Variants in SCAF11 observed in about 807,000 individuals in gnomAD.
The protein encoded by SCAF11 is SR-related CTD associated factor 11, also known as protein SCAF11.
Under a neutral mutation model 140.5 loss-of-function variants are expected in SCAF11, and 47 were observed. The ratio of observed to expected loss-of-function variants is 0.33; its 90% CI spans 0.26 to 0.43. SCAF11 has a LOEUF of 0.43. Among genes scored for constraint, SCAF11 ranks in the 20% least tolerant of loss-of-function variants. SCAF11 has a pLI of 1.00. For synonymous variants in SCAF11, 557 were observed against 579.4 expected, an observed-to-expected ratio of 0.96 and a Z score of 0.55; for missense variants, 1,645 against 1,705.1, an observed-to-expected ratio of 0.96 and a Z score of 0.62.
chr12:45,922,071 A>G lies in SCAF11; in HGVS notation c.4369T>C (p.Ser1457Pro), dbSNP rs1944727427. ...TTTCAGCCTATGTTTTTTTCAGTAG[A>G]CACAGGTTCTTCCAGAGTTTTCTTT... The part of the protein sequence containing the change: ...SQKKTLEEPV[S>P]TEKNIG The change falls in exon 15 of 15, where the codon TCT (serine) becomes CCT (proline). Residue 1457 changes from serine (S) to proline (P), a missense_variant. By Grantham distance (74) the Ser-to-Pro change is moderately conservative. Transcript: ENST00000369367. 2 of 1,613,060 alleles carry G rather than the reference A, an allele frequency of 1.2e-6. No homozygotes were observed. The highest frequency in any genetic ancestry group is 2.7e-5 in the African/African-American group (2 of 74,784).
In SCAF11 at chr12:45,927,420, C is replaced by G; in HGVS notation, c.2281G>C (p.Asp761His). The change falls in exon 11 of 15, where the codon GAT becomes CAT. Residue 761 changes from aspartate to histidine, a missense_variant. Coordinates refer to ENST00000369367, the MANE Select transcript of SCAF11 (RefSeq NM_004719.3). Reference sequence around the variant, plus strand: ...GTTTCAACCTTTTCATCCGCAAGATCAGAAGACGGCATATTATTTTCAGAA... The same window carrying G: ...GTTTCAACCTTTTCATCCGCAAGATGAGAAGACGGCATATTATTTTCAGAA... ...HCSENNMPSS[D>H]LADEKVETVS... is the part of the protein sequence containing the mutation. 1.2e-6 allele frequency: 2 copies of G among 1,613,658 alleles called. No homozygotes were observed. The highest frequency in any genetic ancestry group is 1.7e-6 in the Non-Finnish European group (2 of 1,179,914).
At position 45,927,456 on chromosome 12, in the gene SCAF11, C is replaced by A. The variant is rs1373535182; in HGVS notation, c.2245G>T (p.Val749Leu). 1 of 1,613,510 alleles carries A rather than the reference C, an allele frequency of 6.2e-7. No individual in the cohort carries two copies. The highest frequency in any genetic ancestry group is 1.7e-5 in the Admixed American group (1 of 59,946). Reference sequence around the variant, plus strand: ...ATATTATTTTCAGAACAGTGTGTCACAGAATTTTCATTCATTTGTTTAAGA... The same window carrying A: ...ATATTATTTTCAGAACAGTGTGTCAAAGAATTTTCATTCATTTGTTTAAGA... ...ADLKQMNENS[V>L]THCSENNMPS... Residue 749 changes from valine (V) to leucine (L), a missense_variant, in exon 11 of 15, where the codon GTG (valine) becomes TTG (leucine). Around this residue, in one of 2 missense-constraint regions of SCAF11, gnomAD observed 1,582 missense variants for 1,609.2 expected, o/e 0.98. Coordinates refer to ENST00000369367, the MANE Select transcript of SCAF11 (RefSeq NM_004719.3).
intron 3 of SCAF11, among the ~76,000 whole-genome samples, chr12:45,952,771 A>G (rs1442739169): frequency 1.3e-5 from 2 of 152,216 alleles, no homozygotes; most frequent in African/African-American, 4.8e-5. Flanking sequence ...CCAAAAGGTG[A>G]TATTATTAAT....
chr12:45,989,982 C>G (rs868312859), intron 1 of SCAF11, among the ~76,000 whole-genome samples: 35 of 152,024 alleles, frequency 2.3e-4, no homozygotes, highest in East Asian at 5.8e-4. Flanking sequence ...CCTTCCCCCC[C>G]CCCCGTAGGA....
In SCAF11 at chr12:45,919,254, C is replaced by T. The variant is rs1360202117; in HGVS notation, c.*2794G>A. ...AAACAATATCTCATGGACCCTGGGG[C>T]AATCACTGTGCTTCTGAAGCTACAT... On this transcript the variant is annotated 3_prime_UTR_variant, in exon 15 of 15. Transcript: ENST00000369367. 1 of 152,228 alleles carries T rather than the reference C, an allele frequency of 6.6e-6. No individual in the cohort carries two copies. Among genetic ancestry groups the T allele is most frequent in the African/African-American group, 2.4e-5 (1 of 41,412 alleles). 9.4% of individuals were successfully genotyped at this position (152,228 alleles called of 1,614,324 possible). A position where few individuals can be genotyped will look rare whatever the true frequency, so the allele number is the denominator to read the frequency against.
At chr12:45,958,161 T>C (rs1163823249) in intron 3 of SCAF11, among the ~76,000 whole-genome samples, 1 of 151,946 alleles carries the variant, frequency 6.6e-6, no homozygotes, top group Admixed American at 6.6e-5. Context: ...CTCCTTGGCC[T>C]CCCAAAGTGC....
chr12:45,938,032 A>G (rs1336907084), intron 6 of SCAF11, among the ~76,000 whole-genome samples: 2 of 152,138 alleles, frequency 1.3e-5, no homozygotes, highest in Non-Finnish European at 2.9e-5. Flanking sequence ...CTGTCTTGAG[A>G]TTCTTAACTC....
intron 3 of SCAF11, chr12:45,955,145 T>C (rs1329935176): frequency 2.0e-5 from 3 of 152,152 alleles, no homozygotes; most frequent in African/African-American, 7.2e-5. Context: ...TTAATTTTCT[T>C]TGACACAGAC....
At chr12:45,946,555 A>G (rs1473738955) in intron 5 of SCAF11, among the ~76,000 whole-genome samples, 1 of 152,208 alleles carries the variant, frequency 6.6e-6, no homozygotes, top group Non-Finnish European at 1.5e-5. Context: ...GTTAGACTCA[A>G]ATAAGAGCTG....
intron 3 of SCAF11, among the ~76,000 whole-genome samples, chr12:45,952,392 C>T (rs1204732434): frequency 6.6e-6 from 1 of 152,164 alleles, no homozygotes; most frequent in African/African-American, 2.4e-5. Flanking sequence ...TTTTACTTTA[C>T]ATTTCCTTTT....
At chr12:45,925,921 T>C (rs974563310) in intron 11 of SCAF11, among the ~76,000 whole-genome samples, 2 of 152,178 alleles carry the variant, frequency 1.3e-5, no homozygotes, top group African/African-American at 4.8e-5. Context: ...AATATTTAAG[T>C]CTTTGGCAAG....
At chr12:45,926,093 A>G (rs759666502) in intron 11 of SCAF11, 49 bp downstream of exon 11, 70 of 1,499,958 alleles carry the variant, frequency 4.7e-5, no homozygotes, top group Non-Finnish European at 6.3e-5. Flanking sequence ...TATTAAATTT[A>G]TAATTCTTCA....
chr12:45,960,830 A>G (rs996509038), intron 3 of SCAF11: 4 of 152,290 alleles, frequency 2.6e-5, no homozygotes, highest in African/African-American at 9.6e-5. Flanking sequence ...TAATTCCAAC[A>G]TATTTAAGAA....
In SCAF11 at chr12:45,919,983, CA is replaced by C. The variant is rs1486022186; in HGVS notation, c.*2064del. On this transcript the variant is annotated 3_prime_UTR_variant, in exon 15 of 15. Transcript: ENST00000369367. ...TAACTCAAAATACTTTCAATGTTCACAAAATTGTTTCTAGAGTTCTAATCTA... is the reference window on the plus strand; with the variant it reads ...TAACTCAAAATACTTTCAATGTTCACAAATTGTTTCTAGAGTTCTAATCTA... 2 of 152,196 alleles carry C rather than the reference CA, an allele frequency of 1.3e-5. No individual in the cohort carries two copies. Among genetic ancestry groups the C allele is most frequent in the Non-Finnish European group, 2.9e-5 (2 of 68,034 alleles). The allele number at this position is 152,196 out of a possible 1,614,324, so 9.4% of individuals were successfully genotyped here.
chr12:45,975,593 C>T (rs1946215181), intron 1 of SCAF11: 1 of 180,470 alleles, frequency 5.5e-6, no homozygotes, highest in African/African-American at 2.4e-5. Context: ...CCCTCTCAGA[C>T]TTCACTGGCT....
At chr12:45,958,714 C>T (rs1945756244) in intron 3 of SCAF11, among the ~76,000 whole-genome samples, 1 of 152,126 alleles carries the variant, frequency 6.6e-6, no homozygotes, top group Admixed American at 6.5e-5. Flanking sequence ...AGGCTATGGG[C>T]CATGAAGGCT....
intron 1 of SCAF11, among the ~76,000 whole-genome samples, chr12:45,989,377 GTAT>G (rs1296136410): frequency 3.9e-5 from 6 of 152,166 alleles, no homozygotes; most frequent in Non-Finnish European, 7.3e-5. Context: ...TTTTGCTTAA[GTAT>G]CTTAGGTCAG....
At chr12:45,976,151 T>A (rs1469732314) in intron 1 of SCAF11, among the ~76,000 whole-genome samples, 1 of 152,242 alleles carries the variant, frequency 6.6e-6, no homozygotes, top group Middle Eastern at 3.4e-3. Context: ...GGGGGAAAGG[T>A]AAAGGGACAT....
chr12:45,982,373 G>A (rs1340431960), intron 1 of SCAF11, among the ~76,000 whole-genome samples: 2 of 152,024 alleles, frequency 1.3e-5, no homozygotes, highest in Non-Finnish European at 2.9e-5. Context: ...AAGCCATCTA[G>A]GCATACAAAA....
Sources: gnomAD v4.1 joint callset for allele counts (sites outside exome capture counted in the v4.1 genomes callset) on GRCh38, gnomAD v4.1.1 for gene constraint, gnomAD v4.1.1 regional missense constraint, MANE v1.5 for transcripts, NCBI Gene and HGNC (gene_info 2026-07-23, HGNC 2026-07-21) for gene names.